DCPS: variants seen among roughly 807,000 people sequenced by gnomAD.
DCPS encodes decapping enzyme, scavenger, also known as m7GpppX diphosphatase.
Under a neutral mutation model 34.7 loss-of-function variants are expected in DCPS, and 27 were observed. The ratio of observed to expected loss-of-function variants is 0.78; its 90% CI spans 0.57 to 1.07. The LOEUF (loss-of-function observed/expected upper bound fraction) is 1.07, where lower values mean the gene tolerates loss of function less well. Among genes scored for constraint, DCPS ranks in the 50% least tolerant of loss-of-function variants. The probability of loss-of-function intolerance (pLI) is 0.00; values close to 1 mark genes in which losing one functional copy is unlikely to be tolerated. For synonymous variants in DCPS, 185 were observed against 185.7 expected (o/e 1.00, Z 0.03); for missense variants, 464 against 436.9 (o/e 1.06, Z -0.55).
chr11:126,345,491 C>A lies in DCPS; in HGVS notation c.892C>A (p.Leu298Met). 6.2e-7 allele frequency: 1 copy of A among 1,614,138 alleles called. No individual in the cohort carries two copies. Among genetic ancestry groups the A allele is most frequent in the Non-Finnish European group, 8.5e-7 (1 of 1,180,028 alleles). The change falls in exon 6 of 6, where the codon CTG becomes ATG. Residue 298 changes from leucine (L) to methionine (M), a missense_variant. Coordinates refer to ENST00000263579, the MANE Select transcript of DCPS (RefSeq NM_014026.6). The surrounding 1 kb of genome is among the most constrained non-coding windows in gnomAD (Gnocchi z 7.4). ...PGSGVERAHL[L>M]AEVIENLECD... is the part of the protein sequence containing the mutation. The stretch of plus-strand genomic sequence containing the variant: ...CTCAGGCGTGGAGCGGGCCCACCTG[C>A]TGGCTGAGGTGATCGAGAACTTGGA...
rs71475953 is a variant in DCPS, at chr11:126,349,885, C to G, written c.*4272C>G. Among the ~76,000 whole-genome samples, 12,984 of 152,266 alleles carry G rather than the reference C, an allele frequency of 0.085. 759 individuals are homozygous for G. The highest frequency in any genetic ancestry group is 0.13 in the Non-Finnish European group (8,656 of 68,020). On this transcript the variant is annotated 3_prime_UTR_variant, in exon 6 of 6. Transcript: ENST00000263579. The surrounding 1 kb of genome is among the most constrained non-coding windows in gnomAD (Gnocchi z 5.4). Reference sequence around the variant, plus strand: ...TTGAAATTACATTGAATTCTGAAATCCATGTCAACTTGAAGTTACCAAGTT... The same window carrying G: ...TTGAAATTACATTGAATTCTGAAATGCATGTCAACTTGAAGTTACCAAGTT...
Position 126,336,738 on chromosome 11 carries a change from G to GTAC in DCPS, c.523-1546_523-1544dup, listed in dbSNP as rs1409007418. 1 of 152,248 alleles carries GTAC rather than the reference G, an allele frequency of 6.6e-6. No homozygotes were observed. Among genetic ancestry groups the GTAC allele is most frequent in the African/African-American group, 2.4e-5 (1 of 41,460 alleles). The allele number at this position is 152,248 out of a possible 1,614,324, so 9.4% of individuals were successfully genotyped here. On this transcript the variant is annotated intron_variant, in intron 3 of 5. Coordinates refer to ENST00000263579, the MANE Select transcript of DCPS (RefSeq NM_014026.6). This position sits in a 1 kb window ranked among gnomAD's most constrained non-coding sequence, Gnocchi z 6.3. ...TCAGAGAGGAAATGCCTCTGTGGAT[G>GTAC]TACTGGCCATGCATTGCTCTGGCCC... is the stretch of plus-strand genomic sequence containing the variant.
chr11:126,339,376 G>A (rs1450549594), intron 4 of DCPS, among the ~76,000 whole-genome samples: 1 of 152,220 alleles, frequency 6.6e-6, no homozygotes, highest in Non-Finnish European at 1.5e-5. Context: ...GCCTTGGAGT[G>A]AGCCTCGTCT....
chr11:126,317,106 G>A (rs538802534), intron 2 of DCPS, among the ~76,000 whole-genome samples: 4 of 151,726 alleles, frequency 2.6e-5, no homozygotes, highest in Non-Finnish European at 4.4e-5. Context: ...CTACAGGCGC[G>A]TGCCACCACG....
At position 126,348,818 on chromosome 11, in the gene DCPS, G is replaced by A. The variant is rs1345586610; in HGVS notation, c.*3205G>A. 4.6e-5 allele frequency among the ~76,000 whole-genome samples: 7 copies of A among 152,184 alleles called. No homozygotes were observed. The highest frequency in any genetic ancestry group is 8.8e-5 in the Non-Finnish European group (6 of 68,040). On this transcript the variant is annotated 3_prime_UTR_variant, in exon 6 of 6. Coordinates refer to ENST00000263579, the MANE Select transcript of DCPS (RefSeq NM_014026.6). This position sits in a 1 kb window ranked among gnomAD's most constrained non-coding sequence, Gnocchi z 5.3. Reference sequence around the variant, plus strand: ...CCTGGCTCAGCAAACCAACCTTTGAGACAAAGCAACATTATAACACTACAT... The same window carrying A: ...CCTGGCTCAGCAAACCAACCTTTGAAACAAAGCAACATTATAACACTACAT...
Position 126,345,924 on chromosome 11 carries a change from C to T in DCPS, c.*311C>T, listed in dbSNP as rs171269. On this transcript the variant is annotated 3_prime_UTR_variant, in exon 6 of 6. Transcript: ENST00000263579. This position sits in a 1 kb window ranked among gnomAD's most constrained non-coding sequence, Gnocchi z 7.4. ...GCCTTCTCCAAGCCCCAGGGCTCAC[C>T]GTCCGTGGTGGCTTCCTTCTCCCCA... is the stretch of plus-strand genomic sequence containing the variant. 0.076 allele frequency among the ~76,000 whole-genome samples: 11,605 copies of T among 152,098 alleles called. 570 individuals carry two copies. The highest frequency in any genetic ancestry group is 0.12 in the South Asian group (556 of 4,822).
chr11:126,307,890 C>G (rs1951585929), intron 2 of DCPS, among the ~76,000 whole-genome samples: 1 of 152,186 alleles, frequency 6.6e-6, no homozygotes, highest in Non-Finnish European at 1.5e-5. Context: ...AATCACACAG[C>G]CAGTAGGTGG....
rs112209917 is a variant in DCPS, at chr11:126,333,865, TTCTCTCTCTCTC to T, written c.522+2331_522+2342del. The stretch of plus-strand genomic sequence containing the variant: ...ACGCTTCAGGGAGTGGAGCTGGGAA[TTCTCTCTCTCTC>T]TCTCTCTCTCTCTCTGATATTTCTG... On this transcript the variant is annotated intron_variant, in intron 3 of 5. Coordinates refer to ENST00000263579, the MANE Select transcript of DCPS (RefSeq NM_014026.6). The surrounding 1 kb of genome is among the most constrained non-coding windows in gnomAD (Gnocchi z 5.7). Among the ~76,000 whole-genome samples the T allele has an allele frequency of 4.7e-5, 7 of 149,212 alleles. No homozygotes were observed. Among genetic ancestry groups the T allele is most frequent in the South Asian group, 2.1e-4 (1 of 4,730 alleles).
intron 2 of DCPS, among the ~76,000 whole-genome samples, chr11:126,324,665 G>A (rs1200423589): frequency 7.6e-6 from 1 of 131,492 alleles, no homozygotes; most frequent in Non-Finnish European, 1.5e-5. Flanking sequence ...TGGTAAAGAC[G>A]GGATCTCACT....
At chr11:126,306,956 G>A (rs770882068) in intron 2 of DCPS, among the ~76,000 whole-genome samples, 1 of 152,076 alleles carries the variant, frequency 6.6e-6, no homozygotes, top group Non-Finnish European at 1.5e-5. Context: ...CATCTAGTGG[G>A]TGGAGATCAA....
Position 126,336,115 on chromosome 11 carries a change from CAAA to C in DCPS, c.523-2154_523-2152del, listed in dbSNP as rs34762229. The stretch of plus-strand genomic sequence containing the variant: ...TGGGCGAAAGAGCAAGACTCCATCT[CAAA>C]AAAAAAAAAAAAAAAATGGCGACAA... On this transcript the variant is annotated intron_variant, in intron 3 of 5. Transcript: ENST00000263579. The surrounding 1 kb of genome is among the most constrained non-coding windows in gnomAD (Gnocchi z 6.3). 2.7e-5 allele frequency among the ~76,000 whole-genome samples: 3 copies of C among 109,124 alleles called. No individual in the cohort carries two copies. The highest frequency in any genetic ancestry group is 1.9e-5 in the Non-Finnish European group (1 of 53,912). 71.6% of individuals were successfully genotyped at this position (109,124 alleles called of 152,430 possible). A position where few individuals can be genotyped will look rare whatever the true frequency, so the allele number is the denominator to read the frequency against.
chr11:126,309,308 C>T (rs930804957), intron 2 of DCPS, among the ~76,000 whole-genome samples: 5 of 152,154 alleles, frequency 3.3e-5, no homozygotes, highest in South Asian at 2.1e-4. Flanking sequence ...AGCCGCTGCC[C>T]CTGGCCTTCC....
At chr11:126,317,549 G>T (rs1314787528) in intron 2 of DCPS, among the ~76,000 whole-genome samples, 1 of 152,102 alleles carries the variant, frequency 6.6e-6, no homozygotes, top group African/African-American at 2.4e-5. Context: ...CAGGCTGCTG[G>T]TTTCTTTCAA....
Position 126,346,740 on chromosome 11 carries a change from C to T in DCPS, c.*1127C>T, listed in dbSNP as rs890305515. On this transcript the variant is annotated 3_prime_UTR_variant, in exon 6 of 6. Transcript: ENST00000263579. The surrounding 1 kb of genome is among the most constrained non-coding windows in gnomAD (Gnocchi z 4.1). ...GAAGCTTGAGGCACAGTGGGTGGTC[C>T]TTACTCTCCATCCCCTGCCTGAGAA... Among the ~76,000 whole-genome samples, 2 of 152,162 alleles carry T rather than the reference C, an allele frequency of 1.3e-5. No homozygotes were observed. Among genetic ancestry groups the T allele is most frequent in the Non-Finnish European group, 2.9e-5 (2 of 68,022 alleles).
rs867323741 is a variant in DCPS at position 126,331,619 on chromosome 11, A to T, written c.522+69A>T. On this transcript the variant is annotated intron_variant, in intron 3 of 5. Coordinates refer to ENST00000263579, the MANE Select transcript of DCPS (RefSeq NM_014026.6). This position sits in a 1 kb window ranked among gnomAD's most constrained non-coding sequence, Gnocchi z 7.2. ...CTGGTGCCTCCTCTTACGAGTGTCT[A>T]TTGGGGTCATATTAGGGGCCAGGCG... is the stretch of plus-strand genomic sequence containing the variant. The T allele has an allele frequency of 1.9e-6, 3 of 1,573,620 alleles. No individual in the cohort carries two copies. Among genetic ancestry groups the T allele is most frequent in the African/African-American group, 1.4e-5 (1 of 73,938 alleles).
rs1951898201 is a variant in DCPS at position 126,344,050 on chromosome 11, TA to T, written c.747+634del. Among the ~76,000 whole-genome samples, 1 of 152,112 alleles carries T rather than the reference TA, an allele frequency of 6.6e-6. No homozygotes were observed. Among genetic ancestry groups the T allele is most frequent in the Non-Finnish European group, 1.5e-5 (1 of 68,036 alleles). On this transcript the variant is annotated intron_variant, in intron 5 of 5. Transcript: ENST00000263579. The surrounding 1 kb of genome is among the most constrained non-coding windows in gnomAD (Gnocchi z 8.1). Reference sequence around the variant, plus strand: ...CTTCACCTCCCTAAACCACATTATCTAGATGGATCCCTTCTAAATCCACCAT... The same window carrying T: ...CTTCACCTCCCTAAACCACATTATCTGATGGATCCCTTCTAAATCCACCAT...
rs144420023 is a variant in DCPS at position 126,307,595 on chromosome 11, G to A, written c.376+851G>A. Among the ~76,000 whole-genome samples the A allele has an allele frequency of 3.0e-3, 458 of 152,148 alleles. 2 individuals are homozygous for A. The highest frequency in any genetic ancestry group is 9.7e-3 in the African/African-American group (401 of 41,520). On this transcript the variant is annotated intron_variant, in intron 2 of 5. Coordinates refer to ENST00000263579, the MANE Select transcript of DCPS (RefSeq NM_014026.6). ...CTGGCTAATTTTTGTATTTTTAGTA[G>A]AGTCAGGGTTTCCATCATGGCCAGG... is the stretch of plus-strand genomic sequence containing the variant.
In DCPS at chr11:126,334,493, G is replaced by A. The variant is rs1364507058; in HGVS notation, c.522+2943G>A. Among the ~76,000 whole-genome samples the A allele has an allele frequency of 3.3e-5, 5 of 152,004 alleles. No homozygotes were observed. Among genetic ancestry groups the A allele is most frequent in the African/African-American group, 7.3e-5 (3 of 41,350 alleles). ...CAAGTAGCTGGGATTACAGGCGCCC[G>A]CCACTATGCTGGGCTAATTTTTGTA... On this transcript the variant is annotated intron_variant, in intron 3 of 5. Coordinates refer to ENST00000263579, the MANE Select transcript of DCPS (RefSeq NM_014026.6). The surrounding 1 kb of genome is among the most constrained non-coding windows in gnomAD (Gnocchi z 5.5).
At chr11:126,306,469 C>A in intron 1 of DCPS, 101 bp from the exon 2 acceptor site, 1 of 1,289,316 alleles carries the variant, frequency 7.8e-7, no homozygotes, top group Non-Finnish European at 1.0e-6. Flanking sequence ...AAGGAAATCC[C>A]AAGTATTGGG....
Sources: gnomAD v4.1 joint callset for allele counts (sites outside exome capture counted in the v4.1 genomes callset) on GRCh38, gnomAD v4.1.1 for gene constraint, Gnocchi (gnomAD v3.1) non-coding constraint, MANE v1.5 for transcripts, NCBI Gene and HGNC (gene_info 2026-07-23, HGNC 2026-07-21) for gene names.